The following AKAP6 variants were observed in gnomAD, a reference collection of about 807,000 sequenced individuals.
AKAP6 encodes the protein A-kinase anchor protein 6.
In AKAP6, 58 loss-of-function variants were observed where a neutral mutation model predicts 188.5. The ratio of observed to expected loss-of-function variants is 0.31; its 90% CI spans 0.25 to 0.38. The LOEUF (loss-of-function observed/expected upper bound fraction) is 0.38, where lower values mean the gene tolerates loss of function less well. Ranked by LOEUF, AKAP6 falls within the 10% of genes least tolerant of loss-of-function variation. The pLI, the probability that AKAP6 is intolerant of heterozygous loss-of-function variation, is 1.00. For missense variants in AKAP6, 2,710 were observed against 2,740.0 expected (o/e 0.99, Z 0.24); for synonymous variants, 989 against 998.6 (o/e 0.99, Z 0.18).
intron 1 of AKAP6, among the ~76,000 whole-genome samples, chr14:32,396,566 G>T (rs1431800780): frequency 6.6e-6 from 1 of 152,170 alleles, no homozygotes; most frequent in Non-Finnish European, 1.5e-5. Flanking sequence ...TGCTGTTTGG[G>T]CTAGTGATAA....
intron 8 of AKAP6, among the ~76,000 whole-genome samples, chr14:32,680,529 T>C (rs900779994): frequency 1.3e-5 from 2 of 152,218 alleles, no homozygotes; most frequent in African/African-American, 4.8e-5. Context: ...GTGTGGGCTT[T>C]CAAGGATCTT....
intron 7 of AKAP6, among the ~76,000 whole-genome samples, chr14:32,627,144 A>G (rs142633779): frequency 1.1e-4 from 17 of 152,272 alleles, no homozygotes; most frequent in Admixed American, 9.8e-4. Context: ...TTTTGCTTAC[A>G]TCTGAATGTA....
chr14:32,540,562 C>T (rs1453360830), intron 3 of AKAP6, among the ~76,000 whole-genome samples: 2 of 152,050 alleles, frequency 1.3e-5, no homozygotes, highest in African/African-American at 2.4e-5. Context: ...AGGCGGCTCT[C>T]ACCCAGCTAC....
chr14:32,749,143 C>T (rs1041799574), intron 11 of AKAP6, among the ~76,000 whole-genome samples: 6 of 152,128 alleles, frequency 3.9e-5, no homozygotes, highest in African/African-American at 1.4e-4. Flanking sequence ...ACCCTATGAC[C>T]TAGGACTTTC....
At chr14:32,663,508 A>G (rs1023923609) in intron 7 of AKAP6, among the ~76,000 whole-genome samples, 1 of 151,876 alleles carries the variant, frequency 6.6e-6, no homozygotes, top group East Asian at 1.9e-4. Context: ...GATATGTTTT[A>G]TATTAGAGGG....
At chr14:32,421,229 T>C (rs1889838942) in intron 1 of AKAP6, among the ~76,000 whole-genome samples, 1 of 152,132 alleles carries the variant, frequency 6.6e-6, no homozygotes, top group Admixed American at 6.6e-5. Context: ...ATTTGGCAAC[T>C]CATGTCCTTC....
intron 1 of AKAP6, among the ~76,000 whole-genome samples, chr14:32,368,457 G>A (rs1288256118): frequency 6.6e-6 from 1 of 152,174 alleles, no homozygotes; most frequent in Non-Finnish European, 1.5e-5. Context: ...GAAGTGCAGA[G>A]TGATGTGGGC....
At chr14:32,613,042 A>G (rs555799462) in intron 7 of AKAP6, among the ~76,000 whole-genome samples, 28 of 152,216 alleles carry the variant, frequency 1.8e-4, no homozygotes, top group Non-Finnish European at 3.4e-4. Flanking sequence ...CCTTCTAGTA[A>G]ATGATGAATG....
Position 32,538,612 on chromosome 14 carries a change from CAAAT to C in AKAP6, c.576+2811_576+2814del, listed in dbSNP as rs1375523082. On this transcript the variant is annotated intron_variant, in intron 3 of 13. Transcript: ENST00000280979. ...TAAAACTAGTCAATAACTAAACAAA[CAAAT>C]AAAGAACACTTGAAGGCAAAGCTCA... Among the ~76,000 whole-genome samples, 6 of 151,828 alleles carry C rather than the reference CAAAT, an allele frequency of 4.0e-5. 1 individual carries two copies. Among genetic ancestry groups the C allele is most frequent in the Middle Eastern group, 6.4e-3 (2 of 314 alleles).
At chr14:32,552,834 T>C (rs1309959249) in intron 4 of AKAP6, among the ~76,000 whole-genome samples, 1 of 152,002 alleles carries the variant, frequency 6.6e-6, no homozygotes, top group Non-Finnish European at 1.5e-5. Flanking sequence ...GAAGGGAGGG[T>C]ATGTGGAACT....
intron 2 of AKAP6, among the ~76,000 whole-genome samples, chr14:32,528,018 A>C (rs139968965): frequency 6.0e-4 from 92 of 152,286 alleles, no homozygotes; most frequent in Admixed American, 1.3e-3. Context: ...ACAAAAAGTC[A>C]TTGCCAAACC....
At chr14:32,729,089 A>C (rs752018324) in intron 9 of AKAP6, among the ~76,000 whole-genome samples, 93 of 152,264 alleles carry the variant, frequency 6.1e-4, no homozygotes, top group Non-Finnish European at 1.1e-3. Flanking sequence ...CTCTGACCTC[A>C]CAGTGACAAG....
chr14:32,649,199 C>T (rs1008109889), intron 7 of AKAP6, among the ~76,000 whole-genome samples: 1 of 151,994 alleles, frequency 6.6e-6, no homozygotes, highest in Non-Finnish European at 1.5e-5. Flanking sequence ...ATCAATATTT[C>T]TAGCATTTTA....
chr14:32,485,598 G>A (rs1253684100), intron 2 of AKAP6, among the ~76,000 whole-genome samples: 2 of 152,188 alleles, frequency 1.3e-5, no homozygotes, highest in South Asian at 2.1e-4. Flanking sequence ...TGTGTTGGCT[G>A]CATAAATGTC....
chr14:32,777,121 A>C (rs1594935746), intron 12 of AKAP6, among the ~76,000 whole-genome samples: 1 of 152,204 alleles, frequency 6.6e-6, no homozygotes, highest in East Asian at 1.9e-4. Flanking sequence ...AACTTAGACT[A>C]AATGCTGCTC....
chr14:32,744,365 A>G (rs919329194), intron 11 of AKAP6, among the ~76,000 whole-genome samples: 3 of 151,806 alleles, frequency 2.0e-5, no homozygotes, highest in Non-Finnish European at 4.4e-5. Context: ...CACCCAGGCT[A>G]GAGTGCAGTG....
intron 2 of AKAP6, among the ~76,000 whole-genome samples, chr14:32,474,715 T>C (rs1878966425): frequency 1.3e-5 from 2 of 152,258 alleles, no homozygotes; most frequent in South Asian, 4.1e-4. Flanking sequence ...ATGGAATATG[T>C]TTCCAGTTCA....
chr14:32,717,487 C>T (rs900817300), intron 9 of AKAP6, among the ~76,000 whole-genome samples: 5 of 151,828 alleles, frequency 3.3e-5, no homozygotes, highest in African/African-American at 1.2e-4. Context: ...TCTGGTGAAA[C>T]CTTTGTAACT....
At chr14:32,805,146 A>T (rs1420517048) in intron 12 of AKAP6, among the ~76,000 whole-genome samples, 6 of 152,214 alleles carry the variant, frequency 3.9e-5, no homozygotes, top group African/African-American at 1.2e-4. Flanking sequence ...AGGCGTAAGA[A>T]GTTATAAGAG....
Sources: allele counts gnomAD v4.1 joint callset (sites outside exome capture counted in the v4.1 genomes callset), GRCh38; gene constraint gnomAD v4.1.1; transcripts MANE v1.5; gene names NCBI Gene and HGNC (gene_info 2026-07-23, HGNC 2026-07-21).